The following ACOT11 variants were observed in gnomAD, a reference collection of about 807,000 sequenced individuals.
ACOT11 encodes the protein acyl-CoA thioesterase 11.
In ACOT11, 69 loss-of-function variants were observed where a neutral mutation model predicts 77.5. The observed-to-expected ratio is 0.89, with a 90% CI of 0.73 to 1.09. ACOT11 has a LOEUF of 1.09. Ranked by LOEUF, ACOT11 falls within the 50% of genes least tolerant of loss-of-function variation. The pLI is 0.00. For synonymous variants in ACOT11, 279 were observed against 313.0 expected, an observed-to-expected ratio of 0.89 and a Z score of 1.15; for missense variants, 766 against 813.7, an observed-to-expected ratio of 0.94 and a Z score of 0.71.
Position 54,630,771 on chromosome 1 carries a change from C to A in ACOT11, c.1667C>A (p.Ser556Ter), listed in dbSNP as rs774204432. 2 of 762,962 alleles carry A rather than the reference C, an allele frequency of 2.6e-6. No individual in the cohort carries two copies. The highest frequency in any genetic ancestry group is 4.9e-6 in the Non-Finnish European group (2 of 411,444). The allele number at this position is 762,962 out of a possible 1,614,324, so 47.3% of individuals were successfully genotyped here. A position where few individuals can be genotyped will look rare whatever the true frequency, so the allele number is the denominator to read the frequency against. The change falls in exon 16 of 17, where the codon TCG (serine) becomes TAG (stop). Residue 556 changes from serine (S) to a stop codon, truncating the protein, a stop_gained. Transcript: ENST00000371316. LOFTEE classifies it high-confidence loss of function. ...AGGGTCTCCCTGACTGAGCTGGTCTCGGCAAGTGGCTTCTATTCCTGGGGG... is the reference window on the plus strand; with the variant it reads ...AGGGTCTCCCTGACTGAGCTGGTCTAGGCAAGTGGCTTCTATTCCTGGGGG...
chr1:54,549,658 A>G (rs756140883), intron 1 of ACOT11, among the ~76,000 whole-genome samples: 25 of 152,084 alleles, frequency 1.6e-4, no homozygotes, highest in Non-Finnish European at 3.1e-4. Flanking sequence ...CATCCCTCCC[A>G]CCAGCCAGGG....
intron 1 of ACOT11, among the ~76,000 whole-genome samples, chr1:54,574,707 C>T (rs762797147): frequency 2.4e-4 from 37 of 152,258 alleles, no homozygotes; most frequent in Non-Finnish European, 3.4e-4. Flanking sequence ...AGGGTGGGGC[C>T]GGGATTCAAA....
chr1:54,572,148 C>T (rs774779981), intron 1 of ACOT11, among the ~76,000 whole-genome samples: 5 of 151,940 alleles, frequency 3.3e-5, no homozygotes, highest in Non-Finnish European at 7.4e-5. Flanking sequence ...CTGTTTTTCT[C>T]TCGCTCTGAC....
At chr1:54,562,534 G>GT (rs1360045021) in intron 1 of ACOT11, among the ~76,000 whole-genome samples, 4 of 93,430 alleles carry the variant, frequency 4.3e-5, no homozygotes, top group Non-Finnish European at 9.8e-5. Context: ...GGCTGGCCGG[G>GT]CGGGGGGCTG....
Position 54,610,209 on chromosome 1 carries a change from ACTGGT to A in ACOT11, c.*1101_*1105del, listed in dbSNP as rs1350424280. 4 of 1,435,736 alleles carry A rather than the reference ACTGGT, an allele frequency of 2.8e-6. No homozygotes were observed. In the African/African-American group the frequency reaches 5.7e-5, roughly 21 times the overall value. 88.9% of individuals were successfully genotyped at this position (1,435,736 alleles called of 1,614,324 possible). A position where few individuals can be genotyped will look rare whatever the true frequency, so the allele number is the denominator to read the frequency against. On this transcript the variant is annotated 3_prime_UTR_variant, in exon 16 of 16. Transcript: ENST00000343744. ...CTTGCCTGCAGCAATGTAGCTGAGG[ACTGGT>A]CTGAAGGCCAGGAGCCCTGTGCTCT...
intron 8 of ACOT11, chr1:54,599,786 C>G (rs1179876495): frequency 6.3e-6 from 1 of 158,048 alleles, no homozygotes; most frequent in Non-Finnish European, 1.4e-5. Flanking sequence ...ATTTATCAAA[C>G]CCTTTCCCAC....
intron 1 of ACOT11, among the ~76,000 whole-genome samples, chr1:54,571,265 C>G (rs1653922291): frequency 6.6e-6 from 1 of 152,136 alleles, no homozygotes; most frequent in Non-Finnish European, 1.5e-5. Flanking sequence ...CCCATGCCTT[C>G]CTGTTTCTTT....
At chr1:54,574,566 T>G (rs1654037148) in intron 1 of ACOT11, among the ~76,000 whole-genome samples, 1 of 152,204 alleles carries the variant, frequency 6.6e-6, no homozygotes, top group Non-Finnish European at 1.5e-5. Context: ...TACAAAGTAT[T>G]TGGGATTCCC....
intron 9 of ACOT11, 145 bp from the exon 10 acceptor site, chr1:54,602,524 T>C: frequency 1.4e-6 from 1 of 725,622 alleles, no homozygotes; most frequent in Non-Finnish European, 2.1e-6. Context: ...CCCACTTTGC[T>C]GGCCAGGATG....
chr1:54,561,454 G>A (rs1653482067), intron 1 of ACOT11, among the ~76,000 whole-genome samples: 1 of 118,536 alleles, frequency 8.4e-6, no homozygotes, highest in African/African-American at 3.7e-5. Flanking sequence ...CAAGGCAGAG[G>A]AATTTTTCTT....
Position 54,608,113 on chromosome 1 carries a change from C to T in ACOT11, c.1629+45C>T, listed in dbSNP as rs778816721. The T allele has an allele frequency of 7.6e-6, 12 of 1,583,616 alleles. No homozygotes were observed. In the South Asian group the frequency reaches 1.1e-4, roughly 15 times the overall value. On this transcript the variant is annotated intron_variant, in intron 15 of 15. Coordinates refer to ENST00000343744, the MANE Select transcript of ACOT11 (RefSeq NM_147161.4). ...CCACGCCCCCAGCCTGGCTCCACCC[C>T]AACACCACACGTGTATTGAGCTCAG...
chr1:54,585,951 A>G, intron 3 of ACOT11, 47 bp downstream of exon 3: 1 of 1,597,006 alleles, frequency 6.3e-7, no homozygotes, highest in Non-Finnish European at 8.6e-7. Context: ...CCCTCCCATC[A>G]GCCTGGGGCC....
At chr1:54,600,951 G>A (rs774065046) in intron 8 of ACOT11, among the ~76,000 whole-genome samples, 36 of 152,144 alleles carry the variant, frequency 2.4e-4, no homozygotes, top group Admixed American at 1.7e-3. Context: ...ATTCACTCTC[G>A]CATCCTCACA....
exon 17 of ACOT11, chr1:54,639,069 C>T (rs1180022592): frequency 6.6e-6 from 1 of 151,516 alleles, no homozygotes; most frequent in African/African-American, 2.4e-5. Context: ...TGGCATGCAC[C>T]TATAATCCCA....
chr1:54,586,695 A>G (rs1185223509), intron 3 of ACOT11, among the ~76,000 whole-genome samples: 1 of 151,886 alleles, frequency 6.6e-6, no homozygotes, highest in Non-Finnish European at 1.5e-5. Flanking sequence ...TCGCCTCCCA[A>G]AGTGCTGGGA....
intron 1 of ACOT11, among the ~76,000 whole-genome samples, chr1:54,579,179 G>A (rs1445295474): frequency 6.6e-6 from 1 of 152,108 alleles, no homozygotes; most frequent in Non-Finnish European, 1.5e-5. Flanking sequence ...GGCTAGCTTT[G>A]AGGACGTATG....
chr1:54,573,071 G>A, intron 1 of ACOT11: 1 of 985,468 alleles, frequency 1.0e-6, no homozygotes, highest in Non-Finnish European at 1.2e-6. Context: ...GCCTCCTGCA[G>A]AGGACATAAG....
At position 54,584,970 on chromosome 1, in the gene ACOT11, T is replaced by C; in HGVS notation, c.241+108T>C. 8.1e-7 allele frequency: 1 copy of C among 1,229,260 alleles called. No homozygotes were observed. Among genetic ancestry groups the C allele is most frequent in the East Asian group, 2.6e-5 (1 of 38,964 alleles). 76.1% of individuals were successfully genotyped at this position (1,229,260 alleles called of 1,614,324 possible). A position where few individuals can be genotyped will look rare whatever the true frequency, so the allele number is the denominator to read the frequency against. ...CCCTAAGTGCCACACTTGTTTCTCA[T>C]CTTGGCCTTTGCTCATGCTGGTCCC... On this transcript the variant is annotated intron_variant, in intron 2 of 15. Transcript: ENST00000343744. This position sits in a 1 kb window ranked among gnomAD's most constrained non-coding sequence, Gnocchi z 6.3.
intron 8 of ACOT11, 92 bp downstream of exon 8, chr1:54,599,507 C>A (rs1643938524): frequency 1.5e-6 from 2 of 1,298,510 alleles, no homozygotes; most frequent in Non-Finnish European, 2.0e-6. Flanking sequence ...TGTCCAGGAG[C>A]CCTTTGCCCT....
Sources: gnomAD v4.1 joint callset for allele counts (sites outside exome capture counted in the v4.1 genomes callset) on GRCh38, gnomAD v4.1.1 for gene constraint, Gnocchi (gnomAD v3.1) non-coding constraint, MANE v1.5 for transcripts, NCBI Gene and HGNC (gene_info 2026-07-23, HGNC 2026-07-21) for gene names.